Variants in RTN4R observed in about 807,000 individuals in gnomAD.
RTN4R encodes the protein reticulon 4 receptor.
RTN4R carries 4 observed loss-of-function variants against 27.7 expected under a neutral mutation model. The ratio of observed to expected loss-of-function variants is 0.14; its 90% CI spans 0.07 to 0.33. The LOEUF (loss-of-function observed/expected upper bound fraction) is 0.33. Among genes scored for constraint, RTN4R ranks in the 10% least tolerant of loss-of-function variants. The probability of loss-of-function intolerance (pLI) is 1.00; values close to 1 mark genes in which losing one functional copy is unlikely to be tolerated. For synonymous variants in RTN4R, 290 were observed against 305.6 expected, an observed-to-expected ratio of 0.95 and a Z score of 0.53; for missense variants, 554 against 671.5, an observed-to-expected ratio of 0.83 and a Z score of 1.93.
chr22:20,263,132 A>G (rs1179893834), intron 1 of RTN4R, among the ~76,000 whole-genome samples: 1 of 152,206 alleles, frequency 6.6e-6, no homozygotes, highest in African/African-American at 2.4e-5. Flanking sequence ...AAATTTGCAC[A>G]TCGCCTCAAA....
intron 1 of RTN4R, among the ~76,000 whole-genome samples, chr22:20,243,839 G>A (rs955776667): frequency 7.2e-5 from 11 of 151,786 alleles, no homozygotes; most frequent in African/African-American, 2.2e-4. Flanking sequence ...CCACCCAGAC[G>A]CCATCAGCAG....
chr22:20,250,730 A>G (rs1243927331), intron 1 of RTN4R, among the ~76,000 whole-genome samples: 1 of 152,314 alleles, frequency 6.6e-6, no homozygotes, highest in East Asian at 1.9e-4. Context: ...ATTTTTCTAA[A>G]GAGGCTGTCA....
chr22:20,259,245 C>T (rs564239127), intron 1 of RTN4R, among the ~76,000 whole-genome samples: 1 of 152,326 alleles, frequency 6.6e-6, no homozygotes, highest in Non-Finnish European at 1.5e-5. Flanking sequence ...TTAGGGCCGC[C>T]ATCTGTCTCA....
chr22:20,260,845 G>A (rs1277210109), intron 1 of RTN4R, among the ~76,000 whole-genome samples: 5 of 152,160 alleles, frequency 3.3e-5, no homozygotes, highest in African/African-American at 1.2e-4. Flanking sequence ...CTGCGGCAGA[G>A]CTCCTGCTGG....
intron 1 of RTN4R, chr22:20,243,820 G>A: frequency 3.5e-6 from 1 of 281,702 alleles, no homozygotes; most frequent in Non-Finnish European, 7.2e-6. Context: ...CCAGCTGCCT[G>A]CACCCCTCCC....
chr22:20,252,813 C>T (rs910796350), intron 1 of RTN4R, among the ~76,000 whole-genome samples: 1 of 152,230 alleles, frequency 6.6e-6, no homozygotes, highest in African/African-American at 2.4e-5. Context: ...GTAGCCTCTG[C>T]ACCCCCTCAC....
chr22:20,248,333 T>A (rs544900408), intron 1 of RTN4R, among the ~76,000 whole-genome samples: 1 of 152,270 alleles, frequency 6.6e-6, no homozygotes, highest in African/African-American at 2.4e-5. Context: ...AAGGTCTTGC[T>A]GGGCAGTAAA....
At chr22:20,260,657 C>T (rs1177270897) in intron 1 of RTN4R, among the ~76,000 whole-genome samples, 1 of 152,154 alleles carries the variant, frequency 6.6e-6, no homozygotes, top group Non-Finnish European at 1.5e-5. Flanking sequence ...GCCCACCCTC[C>T]CAATACCCAG....
chr22:20,255,866 C>T lies in RTN4R; in HGVS notation c.22+12205G>A, dbSNP rs1412696937. Among the ~76,000 whole-genome samples the T allele has an allele frequency of 6.6e-6, 1 of 152,256 alleles. No individual in the cohort carries two copies. Among genetic ancestry groups the T allele is most frequent in the Admixed American group, 6.5e-5 (1 of 15,290 alleles). On this transcript the variant is annotated intron_variant, in intron 1 of 1. Transcript: ENST00000043402. The surrounding 1 kb of genome is among the most constrained non-coding windows in gnomAD (Gnocchi z 4.8). ...TTTCTGACCGTGCACACGGGCTTCT[C>T]TCAGCTGCTATGAGAGCCCCCAATG...
chr22:20,246,043 C>A (rs1292202050), intron 1 of RTN4R, among the ~76,000 whole-genome samples: 2 of 152,228 alleles, frequency 1.3e-5, no homozygotes, highest in African/African-American at 2.4e-5. Flanking sequence ...CCCTCCCAGG[C>A]CAATTAACAT....
intron 1 of RTN4R, among the ~76,000 whole-genome samples, chr22:20,258,217 C>T (rs1198704770): frequency 2.6e-5 from 4 of 152,212 alleles, no homozygotes; most frequent in Non-Finnish European, 5.9e-5. Context: ...TCTGTTGCTC[C>T]AAGGCCATTG....
intron 1 of RTN4R, among the ~76,000 whole-genome samples, chr22:20,263,362 C>T (rs2051258653): frequency 6.6e-6 from 1 of 152,200 alleles, no homozygotes; most frequent in Admixed American, 6.5e-5. Flanking sequence ...AGGTGCTGCC[C>T]ACCCCTCTCC....
At chr22:20,265,722 T>G (rs1025916418) in intron 1 of RTN4R, among the ~76,000 whole-genome samples, 3 of 152,002 alleles carry the variant, frequency 2.0e-5, no homozygotes, top group African/African-American at 7.3e-5. Flanking sequence ...TGCACATGGA[T>G]GGGGTGAGGG....
chr22:20,249,378 G>C (rs1293398340), intron 1 of RTN4R, among the ~76,000 whole-genome samples: 1 of 152,152 alleles, frequency 6.6e-6, no homozygotes, highest in Non-Finnish European at 1.5e-5. Context: ...CACTCCCATG[G>C]GCTAGCATCC....
In RTN4R at chr22:20,241,862, C is replaced by T; in HGVS notation, c.1271G>A (p.Arg424His). The change falls in exon 2 of 2, where the codon CGC becomes CAC. Residue 424 changes from arginine to histidine, a missense_variant. By Grantham distance (29) the Arg-to-His change is conservative (BLOSUM62 0). Coordinates refer to ENST00000043402, the MANE Select transcript of RTN4R (RefSeq NM_023004.6). ...RRRPGCSRKN[R>H]TRSHCRLGQA... ...GCCCAGACGGCAGTGGCTGCGGGTGCGGTTCTTGCGTGAACAGCCTGGCCT... is the reference window on the plus strand; with the variant it reads ...GCCCAGACGGCAGTGGCTGCGGGTGTGGTTCTTGCGTGAACAGCCTGGCCT... 4 of 1,609,256 alleles carry T rather than the reference C, an allele frequency of 2.5e-6. No homozygotes were observed. The highest frequency in any genetic ancestry group is 8.5e-7 in the Non-Finnish European group (1 of 1,178,700).
intron 1 of RTN4R, among the ~76,000 whole-genome samples, chr22:20,244,535 C>T (rs982373184): frequency 4.6e-5 from 7 of 152,204 alleles, no homozygotes; most frequent in Non-Finnish European, 7.4e-5. Flanking sequence ...TTGTTGGCTA[C>T]CAGGGAGATG....
At chr22:20,259,883 C>T (rs563119630) in intron 1 of RTN4R, among the ~76,000 whole-genome samples, 33 of 152,288 alleles carry the variant, frequency 2.2e-4, no homozygotes, top group Middle Eastern at 3.4e-3. Flanking sequence ...AGGTCCCTGC[C>T]GCCCAGCATG....
chr22:20,248,709 C>G (rs2051157035), intron 1 of RTN4R, among the ~76,000 whole-genome samples: 1 of 152,150 alleles, frequency 6.6e-6, no homozygotes, highest in African/African-American at 2.4e-5. Context: ...TGGCAGGTGC[C>G]CTATGGGAGA....
At chr22:20,250,794 G>A (rs1037768339) in intron 1 of RTN4R, among the ~76,000 whole-genome samples, 8 of 152,114 alleles carry the variant, frequency 5.3e-5, no homozygotes, top group African/African-American at 1.9e-4. Context: ...CAAATAAGTT[G>A]GGAGGGGTGG....
Sources: gnomAD v4.1 joint callset for allele counts (sites outside exome capture counted in the v4.1 genomes callset) on GRCh38, gnomAD v4.1.1 for gene constraint, Gnocchi (gnomAD v3.1) non-coding constraint, MANE v1.5 for transcripts, NCBI Gene and HGNC (gene_info 2026-07-23, HGNC 2026-07-21) for gene names.